Variants in CSMD3 observed in about 807,000 individuals in gnomAD.
The protein encoded by CSMD3 is CUB and sushi domain-containing protein 3.
CSMD3 carries 177 observed loss-of-function variants against 435.2 expected under a neutral mutation model. The observed-to-expected ratio is 0.41, with a 90% confidence interval of 0.36 to 0.46. The LOEUF is 0.46. Among genes scored for constraint, CSMD3 ranks in the 20% least tolerant of loss-of-function variants. The pLI, the probability that CSMD3 is intolerant of heterozygous loss-of-function variation, is 0.34. For synonymous variants in CSMD3, 1,656 were observed against 1,520.5 expected (o/e 1.09, Z -2.07); for missense variants, 4,265 against 4,504.6 (o/e 0.95, Z 1.52).
rs79410471 is a variant in CSMD3 at position 112,757,480 on chromosome 8, T to C, written c.1972+42682A>G. Among the ~76,000 whole-genome samples the C allele has an allele frequency of 6.9e-3, 1,055 of 152,238 alleles. 16 individuals carry two copies. Among genetic ancestry groups the C allele is most frequent in the African/African-American group, 0.024 (990 of 41,536 alleles). ...GAGGTCTTGTATTATCTTCTTTCAT[T>C]CTTTTTTAGCAAACAAATATAGTAA... On this transcript the variant is annotated intron_variant, in intron 13 of 70. Transcript: ENST00000297405.
chr8:112,844,567 C>T (rs1201353863), intron 11 of CSMD3, among the ~76,000 whole-genome samples: 3 of 151,946 alleles, frequency 2.0e-5, no homozygotes, highest in Non-Finnish European at 4.4e-5. Flanking sequence ...TTTATCACTT[C>T]CCCCAACCTG....
At chr8:112,413,352 T>C (rs1382126968) in intron 32 of CSMD3, among the ~76,000 whole-genome samples, 2 of 152,196 alleles carry the variant, frequency 1.3e-5, no homozygotes, top group African/African-American at 4.8e-5. Flanking sequence ...TTGCATAACA[T>C]AAATTTTCAT....
chr8:113,172,859 C>T (rs2092290357), intron 4 of CSMD3, among the ~76,000 whole-genome samples: 2 of 152,124 alleles, frequency 1.3e-5, no homozygotes, highest in Non-Finnish European at 2.9e-5. Flanking sequence ...CAATGTTGGC[C>T]TCCAGAATTT....
At chr8:113,011,189 A>C (rs1410662605) in intron 6 of CSMD3, among the ~76,000 whole-genome samples, 2 of 151,796 alleles carry the variant, frequency 1.3e-5, no homozygotes, top group Non-Finnish European at 3.0e-5. Flanking sequence ...ATGACTCCTA[A>C]AATTATACTT....
intron 1 of CSMD3, among the ~76,000 whole-genome samples, chr8:113,422,136 G>C: frequency 6.6e-6 from 1 of 152,014 alleles, no homozygotes; most frequent in East Asian, 1.9e-4. Context: ...CTATGAAGAG[G>C]GTATTTAAGC....
intron 3 of CSMD3, among the ~76,000 whole-genome samples, chr8:113,195,626 T>C (rs1221402955): frequency 1.3e-5 from 2 of 150,450 alleles, no homozygotes; most frequent in Admixed American, 1.3e-4. Flanking sequence ...GATTCTCTAA[T>C]GTACAACAGA....
intron 5 of CSMD3, among the ~76,000 whole-genome samples, chr8:113,060,889 G>A (rs1014291723): frequency 2.6e-5 from 4 of 152,080 alleles, no homozygotes; most frequent in African/African-American, 7.2e-5. Flanking sequence ...ATATCAAGAA[G>A]AATAACAATA....
chr8:112,787,928 A>G (rs1178514498), intron 13 of CSMD3, among the ~76,000 whole-genome samples: 2 of 152,166 alleles, frequency 1.3e-5, no homozygotes, highest in African/African-American at 4.8e-5. Context: ...TGTACATTTT[A>G]AAATAATTAA....
chr8:112,341,545 T>C lies in CSMD3; in HGVS notation c.6584A>G (p.His2195Arg), dbSNP rs775161336. 9.9e-6 allele frequency: 16 copies of C among 1,613,590 alleles called. No individual in the cohort carries two copies. The highest frequency in any genetic ancestry group is 1.3e-5 in the African/African-American group (1 of 75,042). The change falls in exon 42 of 71, where the codon CAT (histidine) becomes CGT (arginine). Residue 2195 changes from histidine to arginine, a missense_variant. Coordinates refer to ENST00000297405, the MANE Select transcript of CSMD3 (RefSeq NM_198123.2). Reference protein sequence around the residue: ...QIPSSLFSTTHETSLYFHSDY... With the variant: ...QIPSSLFSTTRETSLYFHSDY... The stretch of plus-strand genomic sequence containing the variant: ...ACTGTGAAAATATAAGCTGGTTTCA[T>C]GGGTGGTGCTGAATAAGGAAGATGG...
chr8:112,782,926 C>G (rs2078429279), intron 13 of CSMD3, among the ~76,000 whole-genome samples: 4 of 151,944 alleles, frequency 2.6e-5, no homozygotes, highest in Non-Finnish European at 5.9e-5. Flanking sequence ...TCAGACCTGT[C>G]CTATAAGAAA....
At chr8:112,694,689 T>C (rs1288474352) in intron 13 of CSMD3, among the ~76,000 whole-genome samples, 2 of 152,158 alleles carry the variant, frequency 1.3e-5, no homozygotes, top group East Asian at 3.9e-4. Flanking sequence ...GTGATATGGT[T>C]AGGCTTTGTC....
At chr8:112,943,742 T>C (rs1207919511) in intron 9 of CSMD3, among the ~76,000 whole-genome samples, 2 of 151,714 alleles carry the variant, frequency 1.3e-5, no homozygotes, top group African/African-American at 2.4e-5. Context: ...TACAAAGTTC[T>C]TTTTCCCCCT....
intron 30 of CSMD3, 122 bp downstream of exon 30, chr8:112,503,668 A>T (rs34311396): frequency 0.21 from 139,964 of 674,012 alleles, 16,151 homozygotes; most frequent in Middle Eastern, 0.33. Flanking sequence ...TGAACTGTAC[A>T]TAATCTGCAT....
intron 1 of CSMD3, among the ~76,000 whole-genome samples, chr8:113,344,018 T>A (rs918004367): frequency 2.0e-5 from 3 of 152,182 alleles, no homozygotes; most frequent in Non-Finnish European, 1.5e-5. Context: ...ATCCTTCATA[T>A]TTTTAGGTAT....
intron 32 of CSMD3, among the ~76,000 whole-genome samples, chr8:112,453,960 A>C (rs1273995845): frequency 6.6e-6 from 1 of 152,120 alleles, no homozygotes; most frequent in African/African-American, 2.4e-5. Flanking sequence ...ATAAAGCTGT[A>C]CTTCTACAAC....
chr8:112,470,341 T>A (rs1818396839), intron 32 of CSMD3, among the ~76,000 whole-genome samples: 1 of 152,146 alleles, frequency 6.6e-6, no homozygotes, highest in South Asian at 2.1e-4. Context: ...TTTATATGAA[T>A]GTGAACATAA....
chr8:113,087,969 GGGCTA>G (rs1344832159), intron 5 of CSMD3, among the ~76,000 whole-genome samples: 1 of 150,436 alleles, frequency 6.6e-6, no homozygotes, highest in Non-Finnish European at 1.5e-5. Flanking sequence ...ATCTGACAAA[GGGCTA>G]ATATCCAGAA....
At chr8:112,588,017 CT>C in intron 22 of CSMD3, among the ~76,000 whole-genome samples, 1 of 151,752 alleles carries the variant, frequency 6.6e-6, no homozygotes, top group East Asian at 1.9e-4. Context: ...ATATAAAAAG[CT>C]TGTGGCAATA....
chr8:112,781,063 G>A (rs964512637), intron 13 of CSMD3, among the ~76,000 whole-genome samples: 2 of 68,474 alleles, frequency 2.9e-5, no homozygotes, highest in Non-Finnish European at 5.5e-5. Context: ...GCTGCTTGAG[G>A]AAAGGAGAGG....
Sources: gnomAD v4.1 joint callset for allele counts (sites outside exome capture counted in the v4.1 genomes callset) on GRCh38, gnomAD v4.1.1 for gene constraint, MANE v1.5 for transcripts, NCBI Gene and HGNC (gene_info 2026-07-23, HGNC 2026-07-21) for gene names.